Variants in MTF1 observed in about 807,000 individuals in gnomAD.
MTF1 encodes metal regulatory transcription factor 1.
Under a neutral mutation model 70.4 loss-of-function variants are expected in MTF1, and 22 were observed. The ratio of observed to expected loss-of-function variants is 0.31; its 90% CI spans 0.22 to 0.45. The LOEUF (loss-of-function observed/expected upper bound fraction) is 0.45. Among genes scored for constraint, MTF1 ranks in the 20% least tolerant of loss-of-function variants. The pLI is 1.00. For missense variants in MTF1, 649 were observed against 922.0 expected, an observed-to-expected ratio of 0.70 and a Z score of 3.83; for synonymous variants, 333 against 352.8, an observed-to-expected ratio of 0.94 and a Z score of 0.63.
Position 37,857,429 on chromosome 1 carries a change from C to G in MTF1, c.230G>C (p.Gly77Ala), listed in dbSNP as rs780341111. 1.9e-6 allele frequency: 3 copies of G among 1,614,194 alleles called. No homozygotes were observed. In the African/African-American group the frequency reaches 4.0e-5, roughly 22 times the overall value. ...ATCTATCAGGTGAAAGCCCTCTTCACCCCCTACTAGAAAAGGCAAGTGTTC... is the reference window on the plus strand; with the variant it reads ...ATCTATCAGGTGAAAGCCCTCTTCAGCCCCTACTAGAAAAGGCAAGTGTTC... Reference protein sequence around the residue: ...CGEHLPFLVGGEEGFHLIDHE... With the variant: ...CGEHLPFLVGAEEGFHLIDHE... The change falls in exon 2 of 11, where the codon GGT becomes GCT. Residue 77 changes from glycine to alanine, a missense_variant. Physicochemically the swap from Gly to Ala is moderately conservative, Grantham distance 60 (BLOSUM62 0). This residue lies in a region of MTF1 where 44 missense variants were observed against 38.1 expected (regional missense o/e 1.15). Coordinates refer to ENST00000373036, the MANE Select transcript of MTF1 (RefSeq NM_005955.3).
At chr1:37,820,623 G>A (rs1307694761) in intron 9 of MTF1, among the ~76,000 whole-genome samples, 5 of 152,236 alleles carry the variant, frequency 3.3e-5, no homozygotes, top group African/African-American at 1.2e-4. Context: ...GGAAGTGGTA[G>A]AAGGGATGAA....
At chr1:37,820,861 T>C (rs1054350351) in intron 9 of MTF1, among the ~76,000 whole-genome samples, 3 of 151,804 alleles carry the variant, frequency 2.0e-5, no homozygotes, top group Non-Finnish European at 4.4e-5. Flanking sequence ...AAAAACAAGA[T>C]GATAGGGAGA....
At chr1:37,854,597 A>C (rs560238392) in intron 2 of MTF1, among the ~76,000 whole-genome samples, 1 of 152,346 alleles carries the variant, frequency 6.6e-6, no homozygotes. Context: ...CGCAGTTAAG[A>C]AGCACTACTC....
intron 2 of MTF1, among the ~76,000 whole-genome samples, chr1:37,845,061 T>G (rs1641313211): frequency 6.6e-6 from 1 of 152,260 alleles, no homozygotes; most frequent in Admixed American, 6.5e-5. Context: ...GGCTGGACTG[T>G]AAGCTCCATG....
intron 2 of MTF1, among the ~76,000 whole-genome samples, chr1:37,853,456 T>C (rs982907423): frequency 1.3e-5 from 2 of 152,238 alleles, no homozygotes; most frequent in Admixed American, 6.5e-5. Flanking sequence ...GTATTGTCTA[T>C]GGCTGCTTTT....
chr1:37,855,773 A>G (rs1277275195), intron 2 of MTF1, among the ~76,000 whole-genome samples: 6 of 152,118 alleles, frequency 3.9e-5, no homozygotes. Flanking sequence ...CCTGGCTAAC[A>G]TGGTGAAACC....
At chr1:37,828,892 G>A (rs1217867861) in intron 7 of MTF1, among the ~76,000 whole-genome samples, 3 of 152,138 alleles carry the variant, frequency 2.0e-5, no homozygotes, top group Admixed American at 6.5e-5. Flanking sequence ...GCAAAGAAGA[G>A]GAGAATACAG....
intron 2 of MTF1, chr1:37,841,154 C>A (rs910058116): frequency 1.3e-5 from 2 of 158,942 alleles, no homozygotes; most frequent in South Asian, 1.6e-4. Context: ...AAAGCAGACC[C>A]GCGCTGGCCA....
At position 37,857,387 on chromosome 1, in the gene MTF1, T is replaced by TGGGACA. The variant is rs1205979766; in HGVS notation, c.266_271dup (p.Ser90_Gln91insLeuSer). On this transcript the variant is annotated inframe_insertion, in exon 2 of 11. Coordinates refer to ENST00000373036, the MANE Select transcript of MTF1 (RefSeq NM_005955.3). ...TGAGATAATGTGCTGCACATAACCC[T>TGGGACA]GGGACATTGCTTCATGATCTATCAG... The TGGGACA allele has an allele frequency of 3.7e-6, 6 of 1,614,232 alleles. No individual in the cohort carries two copies. The highest frequency in any genetic ancestry group is 1.1e-5 in the South Asian group (1 of 91,090).
Position 37,822,501 on chromosome 1 carries a change from C to G in MTF1, c.1387G>C (p.Ala463Pro). 2 of 1,614,000 alleles carry G rather than the reference C, an allele frequency of 1.2e-6. No individual in the cohort carries two copies. The highest frequency in any genetic ancestry group is 2.2e-5 in the East Asian group (1 of 44,890). ...SQQAAFGNPP[A>P]LLQPPEVPVP... ...GGCACTTCTGGAGGTTGTAAGAGAG[C>G]AGGGGGGTTGCCAAATGCAGCTTGC... is the stretch of plus-strand genomic sequence containing the variant. The change falls in exon 9 of 11, where the codon GCT becomes CCT. Residue 463 changes from alanine to proline, a missense_variant. Physicochemically the swap from Ala to Pro is conservative, Grantham distance 27. This residue lies in a region of MTF1 where 267 missense variants were observed against 292.1 expected (regional missense o/e 0.91). Transcript: ENST00000373036.
At position 37,832,781 on chromosome 1, in the gene MTF1, T is replaced by G. The variant is rs182275955; in HGVS notation, c.991-459A>C. Among the ~76,000 whole-genome samples the G allele has an allele frequency of 3.5e-3, 529 of 152,090 alleles. 2 individuals carry two copies. The highest frequency in any genetic ancestry group is 9.0e-3 in the African/African-American group (375 of 41,506). ...CAGCAATTTGGGAGTCTGAGGCAGG[T>G]GGGTCACAAGGTCAGGAATTCGAGA... On this transcript the variant is annotated intron_variant, in intron 6 of 10. Coordinates refer to ENST00000373036, the MANE Select transcript of MTF1 (RefSeq NM_005955.3).
In MTF1 at chr1:37,840,211, A is replaced by T. The variant is rs1641235236; in HGVS notation, c.409-53T>A. 7 of 1,517,420 alleles carry T rather than the reference A, an allele frequency of 4.6e-6. No homozygotes were observed. The highest frequency in any genetic ancestry group is 5.5e-6 in the Non-Finnish European group (6 of 1,094,786). The allele number at this position is 1,517,420 out of a possible 1,614,324, so 94.0% of individuals were successfully genotyped here. ...AGGACAAAAATGCTGCCCAGGGCTT[A>T]ACTCCCCCACCCAGAGCTCAGCTCC... On this transcript the variant is annotated intron_variant, in intron 2 of 10. Coordinates refer to ENST00000373036, the MANE Select transcript of MTF1 (RefSeq NM_005955.3). The surrounding 1 kb of genome is among the most constrained non-coding windows in gnomAD (Gnocchi z 4.5).
chr1:37,837,098 T>C (rs1299218411), intron 4 of MTF1, among the ~76,000 whole-genome samples: 1 of 152,328 alleles, frequency 6.6e-6, no homozygotes, highest in South Asian at 2.1e-4. Context: ...TCTCTCTCTG[T>C]TGCCCAGGCT....
chr1:37,852,485 C>A (rs911307705), intron 2 of MTF1, among the ~76,000 whole-genome samples: 16 of 152,188 alleles, frequency 1.1e-4, no homozygotes, highest in African/African-American at 3.6e-4. Flanking sequence ...TTCGAATACA[C>A]CTCTGTTAAA....
intron 7 of MTF1, among the ~76,000 whole-genome samples, chr1:37,830,438 T>A (rs1365202275): frequency 6.6e-6 from 1 of 152,236 alleles, no homozygotes; most frequent in East Asian, 1.9e-4. Flanking sequence ...ATTTCCTATT[T>A]GTTCAATCAT....
intron 7 of MTF1, among the ~76,000 whole-genome samples, chr1:37,825,395 C>A (rs1557588902): frequency 6.6e-6 from 1 of 151,956 alleles, no homozygotes; most frequent in Non-Finnish European, 1.5e-5. Context: ...GCCACCACAT[C>A]TGGATGATTT....
rs1640796691 is a variant in MTF1 at position 37,815,249 on chromosome 1, C to T, written c.2149G>A (p.Val717Met). The change falls in exon 11 of 11, where the codon GTG becomes ATG. Residue 717 changes from valine (V) to methionine (M), a missense_variant. Transcript: ENST00000373036. This position sits in a 1 kb window ranked among gnomAD's most constrained non-coding sequence, Gnocchi z 4.5. Reference sequence around the variant, plus strand: ...CTCTGGAGGGATAGAAACTCTGACACATCCATGGCACTTAATGTTTCTGTC... The same window carrying T: ...CTCTGGAGGGATAGAAACTCTGACATATCCATGGCACTTAATGTTTCTGTC... ...PQTETLSAMD[V>M]SEFLSLQSLD... 1 of 1,614,160 alleles carries T rather than the reference C, an allele frequency of 6.2e-7. No homozygotes were observed. The highest frequency in any genetic ancestry group is 8.5e-7 in the Non-Finnish European group (1 of 1,180,048).
intron 7 of MTF1, among the ~76,000 whole-genome samples, chr1:37,830,201 T>C (rs1182947109): frequency 1.3e-5 from 2 of 152,218 alleles, no homozygotes; most frequent in African/African-American, 2.4e-5. Flanking sequence ...GAACATTAGT[T>C]GTAAAATAGG....
chr1:37,846,435 G>C (rs965983431), intron 2 of MTF1, among the ~76,000 whole-genome samples: 2 of 151,308 alleles, frequency 1.3e-5, no homozygotes, highest in Non-Finnish European at 2.9e-5. Context: ...AGAGCTTCAG[G>C]CTCTAAGCAT....
Sources: gnomAD v4.1 joint callset for allele counts (sites outside exome capture counted in the v4.1 genomes callset) on GRCh38, gnomAD v4.1.1 for gene constraint, gnomAD v4.1.1 regional missense constraint, Gnocchi (gnomAD v3.1) non-coding constraint, MANE v1.5 for transcripts, NCBI Gene and HGNC (gene_info 2026-07-23, HGNC 2026-07-21) for gene names.